Variants in C8orf34 observed in about 807,000 individuals in gnomAD.
C8orf34 encodes the protein uncharacterized protein C8orf34.
A neutral mutation model predicts 68.3 loss-of-function variants in C8orf34; 65 were observed. The ratio of observed to expected loss-of-function variants is 0.95; its 90% CI spans 0.78 to 1.17. C8orf34 has a LOEUF of 1.17. Ranked by LOEUF, C8orf34 falls within the 50% of genes most tolerant of loss-of-function variation. The pLI is 0.00. For synonymous variants in C8orf34, 244 were observed against 241.2 expected (o/e 1.01, Z -0.11); for missense variants, 664 against 655.4 (o/e 1.01, Z -0.14).
rs1563662029 is a variant in C8orf34, at chr8:68,774,739, AATTT to A, written c.1405-1659_1405-1656del. On this transcript the variant is annotated intron_variant, in intron 10 of 13. Coordinates refer to ENST00000518698, the MANE Select transcript of C8orf34 (RefSeq NM_052958.4). ...CCAAGTACTTGCAAGAATACATCAC[AATTT>A]TTTTTAAAAAAAACTAAAATGAATT... is the stretch of plus-strand genomic sequence containing the variant. Among the ~76,000 whole-genome samples the A allele has an allele frequency of 8.2e-3, 1,239 of 150,350 alleles. 15 individuals are homozygous for A. Among genetic ancestry groups the A allele is most frequent in the African/African-American group, 0.029 (1,191 of 40,518 alleles).
rs78480077 is a variant in C8orf34 at position 68,547,256 on chromosome 8, T to C, written c.1105+14107T>C. ...ATAACAAAAGACTATTACAAACAAA[T>C]GTATGCCAGCAAATTTGCCAACTTA... is the stretch of plus-strand genomic sequence containing the variant. On this transcript the variant is annotated intron_variant, in intron 7 of 13. Transcript: ENST00000518698. Among the ~76,000 whole-genome samples the C allele has an allele frequency of 9.2e-3, 1,394 of 151,828 alleles. 27 individuals are homozygous for C. Among genetic ancestry groups the C allele is most frequent in the African/African-American group, 0.033 (1,353 of 41,516 alleles).
chr8:68,743,799 G>C (rs1302940652), intron 10 of C8orf34, among the ~76,000 whole-genome samples: 1 of 152,198 alleles, frequency 6.6e-6, no homozygotes, highest in Non-Finnish European at 1.5e-5. Context: ...CGGCAGCAAG[G>C]CTGGGGGAGG....
chr8:68,416,507 A>G (rs1450954632), intron 1 of C8orf34, among the ~76,000 whole-genome samples: 2 of 143,440 alleles, frequency 1.4e-5, no homozygotes, highest in African/African-American at 2.6e-5. Context: ...ATTTTATTAA[A>G]CATACATTTA....
At chr8:68,477,231 G>A (rs1372956726) in intron 4 of C8orf34, among the ~76,000 whole-genome samples, 1 of 152,226 alleles carries the variant, frequency 6.6e-6, no homozygotes, top group Non-Finnish European at 1.5e-5. Flanking sequence ...TTACAGAGAA[G>A]TCAGGAATCA....
At chr8:68,501,428 T>C (rs553630045) in intron 5 of C8orf34, among the ~76,000 whole-genome samples, 1 of 152,270 alleles carries the variant, frequency 6.6e-6, no homozygotes, top group African/African-American at 2.4e-5. Context: ...CAGCAAAGTA[T>C]GGGATGTGGG....
At chr8:68,534,188 A>T (rs1252366103) in intron 7 of C8orf34, 1 of 985,288 alleles carries the variant, frequency 1.0e-6, no homozygotes, top group East Asian at 1.1e-4. Context: ...ACAGGTTTGA[A>T]AGATGTTTTC....
At chr8:68,475,389 G>A (rs566037519) in intron 4 of C8orf34, among the ~76,000 whole-genome samples, 1 of 152,280 alleles carries the variant, frequency 6.6e-6, no homozygotes, top group African/African-American at 2.4e-5. Context: ...CTTTGCTCTT[G>A]CACTCCCTAG....
intron 8 of C8orf34, among the ~76,000 whole-genome samples, chr8:68,651,041 C>T (rs1394098700): frequency 6.6e-6 from 1 of 152,062 alleles, no homozygotes; most frequent in Admixed American, 6.5e-5. Flanking sequence ...GGAAGCCTTG[C>T]TGAGGACTCC....
At chr8:68,749,556 C>G (rs1224579350) in intron 10 of C8orf34, among the ~76,000 whole-genome samples, 1 of 138,848 alleles carries the variant, frequency 7.2e-6, no homozygotes, top group Non-Finnish European at 1.6e-5. Flanking sequence ...AAGACACTGT[C>G]ATCACCCCAG....
At chr8:68,470,257 G>A (rs921655788) in intron 4 of C8orf34, among the ~76,000 whole-genome samples, 5 of 152,032 alleles carry the variant, frequency 3.3e-5, no homozygotes, top group African/African-American at 1.2e-4. Flanking sequence ...TTGGGGCAGA[G>A]CTTCAGGGCT....
chr8:68,653,167 G>T (rs777271587), intron 8 of C8orf34, among the ~76,000 whole-genome samples: 9 of 152,082 alleles, frequency 5.9e-5, no homozygotes, highest in Non-Finnish European at 1.2e-4. Context: ...ATTTAAAACC[G>T]CAGTAAACTT....
intron 7 of C8orf34, among the ~76,000 whole-genome samples, chr8:68,544,444 G>A (rs922531557): frequency 1.4e-4 from 21 of 152,126 alleles, no homozygotes; most frequent in African/African-American, 4.1e-4. Context: ...GAGTACAAAG[G>A]TGAAGTTGAT....
At chr8:68,342,302 A>G (rs1806103901) in intron 1 of C8orf34, among the ~76,000 whole-genome samples, 1 of 152,232 alleles carries the variant, frequency 6.6e-6, no homozygotes, top group Non-Finnish European at 1.5e-5. Flanking sequence ...ACTTGACACC[A>G]TAAGCACAGT....
chr8:68,382,377 G>A (rs947718768), intron 1 of C8orf34, among the ~76,000 whole-genome samples: 1 of 152,068 alleles, frequency 6.6e-6, no homozygotes, highest in African/African-American at 2.4e-5. Flanking sequence ...CCTCATCTGT[G>A]ATACAGAAAT....
intron 8 of C8orf34, among the ~76,000 whole-genome samples, chr8:68,669,365 A>G (rs544130231): frequency 6.6e-6 from 1 of 152,282 alleles, no homozygotes; most frequent in South Asian, 2.1e-4. Context: ...GTCTTAAAAA[A>G]ATGATCCTTT....
At chr8:68,775,989 C>G (rs1171592545) in intron 10 of C8orf34, among the ~76,000 whole-genome samples, 3 of 152,058 alleles carry the variant, frequency 2.0e-5, no homozygotes, top group African/African-American at 7.2e-5. Context: ...GAATAACACA[C>G]CCTGGGACCT....
At chr8:68,694,733 C>G (rs1461173767) in intron 8 of C8orf34, among the ~76,000 whole-genome samples, 1 of 151,920 alleles carries the variant, frequency 6.6e-6, no homozygotes, top group African/African-American at 2.4e-5. Flanking sequence ...CTTAGTTATT[C>G]ATTTGTTTAA....
intron 10 of C8orf34, among the ~76,000 whole-genome samples, chr8:68,740,460 A>G (rs906430610): frequency 9.2e-5 from 14 of 152,212 alleles, no homozygotes; most frequent in African/African-American, 2.9e-4. Flanking sequence ...GAAGACCTAC[A>G]TGCAGCCAAT....
chr8:68,429,992 C>G (rs1220768011), intron 1 of C8orf34, among the ~76,000 whole-genome samples: 1 of 152,036 alleles, frequency 6.6e-6, no homozygotes, highest in Non-Finnish European at 1.5e-5. Flanking sequence ...GGTGACTTGT[C>G]AGGCCTCTAG....
Sources: allele counts gnomAD v4.1 joint callset (sites outside exome capture counted in the v4.1 genomes callset), GRCh38; gene constraint gnomAD v4.1.1; transcripts MANE v1.5; gene names NCBI Gene and HGNC (gene_info 2026-07-23, HGNC 2026-07-21).